Variants in TRPM6 observed in about 807,000 individuals in gnomAD.
TRPM6 encodes the protein channel kinase 2.
In TRPM6, 111 loss-of-function variants were observed where a neutral mutation model predicts 247.6. That is an observed-to-expected ratio of 0.45 (90% CI 0.38 to 0.52). The LOEUF is 0.52. TRPM6 is among the 20% of genes least tolerant of loss of function. The pLI, the probability that TRPM6 is intolerant of heterozygous loss-of-function variation, is 0.00. For synonymous variants in TRPM6, 892 were observed against 853.8 expected, an observed-to-expected ratio of 1.04 and a Z score of -0.78; for missense variants, 2,126 against 2,421.5, an observed-to-expected ratio of 0.88 and a Z score of 2.56.
At chr9:74,753,420 A>G (rs1268154561) in intron 28 of TRPM6, among the ~76,000 whole-genome samples, 1 of 152,088 alleles carries the variant, frequency 6.6e-6, no homozygotes, top group South Asian at 2.1e-4. Flanking sequence ...GGCCAAGTGG[A>G]GTAGCCGGCT....
intron 38 of TRPM6, 144 bp from the exon 39 acceptor site, chr9:74,724,890 A>G: frequency 1.9e-6 from 2 of 1,076,522 alleles, no homozygotes; most frequent in Non-Finnish European, 2.7e-6. Flanking sequence ...CAAACCCTCA[A>G]CCATGTCTAG....
At chr9:74,755,927 A>G (rs1421657740) in intron 27 of TRPM6, among the ~76,000 whole-genome samples, 1 of 152,230 alleles carries the variant, frequency 6.6e-6, no homozygotes, top group Non-Finnish European at 1.5e-5. Flanking sequence ...CCTGTCATTT[A>G]GAAGCCATGT....
intron 4 of TRPM6, among the ~76,000 whole-genome samples, chr9:74,841,264 G>A (rs148527981): frequency 6.6e-6 from 1 of 152,292 alleles, no homozygotes; most frequent in Non-Finnish European, 1.5e-5. Context: ...CAGCTGGCTT[G>A]CTTTTTCCAG....
intron 3 of TRPM6, among the ~76,000 whole-genome samples, chr9:74,852,759 C>T (rs1830377406): frequency 6.6e-6 from 1 of 152,224 alleles, no homozygotes; most frequent in South Asian, 2.1e-4. Context: ...TCCCGAGGTG[C>T]CGGGATTGCA....
chr9:74,731,777 G>T (rs1283963268), intron 37 of TRPM6, among the ~76,000 whole-genome samples: 2 of 151,400 alleles, frequency 1.3e-5, no homozygotes, highest in Non-Finnish European at 2.9e-5. Flanking sequence ...CAATTAAGAA[G>T]TAAAAATGTA....
At chr9:74,752,432 C>A (rs1826280755) in intron 28 of TRPM6, 64 bp from the exon 29 acceptor site, 2 of 935,280 alleles carry the variant, frequency 2.1e-6, no homozygotes, top group Non-Finnish European at 3.3e-6. Flanking sequence ...AATCACAGTT[C>A]CCAAATAGAA....
intron 24 of TRPM6, among the ~76,000 whole-genome samples, chr9:74,773,167 C>T (rs1217214295): frequency 1.3e-5 from 2 of 152,138 alleles, no homozygotes; most frequent in Non-Finnish European, 2.9e-5. Context: ...CCCTACCAAT[C>T]TATTGAACAC....
chr9:74,747,480 T>C (rs939530745), intron 31 of TRPM6, among the ~76,000 whole-genome samples: 21 of 152,192 alleles, frequency 1.4e-4, no homozygotes, highest in African/African-American at 4.8e-4. Flanking sequence ...TCACATGACC[T>C]AATCCTATTT....
intron 1 of TRPM6, among the ~76,000 whole-genome samples, chr9:74,868,384 A>C (rs1288623698): frequency 6.6e-6 from 1 of 151,764 alleles, no homozygotes; most frequent in Non-Finnish European, 1.5e-5. Context: ...AATCCCAGCT[A>C]CTCGGGAGGC....
chr9:74,727,381 CAAAAAAAAAAAAA>C (rs763828073), intron 38 of TRPM6, among the ~76,000 whole-genome samples: 1 of 52,242 alleles, frequency 1.9e-5, no homozygotes, highest in African/African-American at 7.1e-5. Context: ...GACTCCGTCT[CAAAAAAAAAAAAA>C]AAAAAAAAAA....
intron 1 of TRPM6, among the ~76,000 whole-genome samples, chr9:74,864,835 G>A (rs2118412131): frequency 6.6e-6 from 1 of 152,264 alleles, no homozygotes; most frequent in African/African-American, 2.4e-5. Context: ...ACTTTGGGAG[G>A]CTGAGGTGGG....
chr9:74,879,867 G>A (rs1587610184), intron 1 of TRPM6, among the ~76,000 whole-genome samples: 1 of 152,164 alleles, frequency 6.6e-6, no homozygotes, highest in East Asian at 1.9e-4. Flanking sequence ...CAAAATTAAT[G>A]AAATCCAAAG....
Position 74,868,158 on chromosome 9 carries a change from A to C in TRPM6, c.34-9410T>G, listed in dbSNP as rs116052210. Among the ~76,000 whole-genome samples, 622 of 151,314 alleles carry C rather than the reference A, an allele frequency of 4.1e-3. 7 individuals are homozygous for C. Among genetic ancestry groups the C allele is most frequent in the African/African-American group, 0.015 (597 of 41,160 alleles). On this transcript the variant is annotated intron_variant, in intron 1 of 38. Coordinates refer to ENST00000360774, the MANE Select transcript of TRPM6 (RefSeq NM_017662.5). The stretch of plus-strand genomic sequence containing the variant: ...GAGCGAGACTCCGCAAAAAAAAAAA[A>C]AACTTTGACACCTCATGTTATTCTA...
At chr9:74,881,552 A>G (rs1028350329) in intron 1 of TRPM6, among the ~76,000 whole-genome samples, 41 of 152,126 alleles carry the variant, frequency 2.7e-4, no homozygotes, top group African/African-American at 8.7e-4. Context: ...AGAAAATTAA[A>G]ATAATATTTA....
intron 19 of TRPM6, among the ~76,000 whole-genome samples, chr9:74,789,317 C>G (rs1040448058): frequency 4.6e-5 from 7 of 152,056 alleles, no homozygotes; most frequent in African/African-American, 1.7e-4. Context: ...ACTCAGCACT[C>G]TGCTTGACAC....
intron 8 of TRPM6, 132 bp from the exon 9 acceptor site, chr9:74,820,559 T>A: frequency 9.0e-7 from 1 of 1,113,400 alleles, no homozygotes; most frequent in Non-Finnish European, 1.3e-6. Flanking sequence ...GAAGAGCAAA[T>A]GAGGGGGAGC....
chr9:74,862,508 T>C (rs1157872064), intron 1 of TRPM6, among the ~76,000 whole-genome samples: 1 of 152,122 alleles, frequency 6.6e-6, no homozygotes, highest in Non-Finnish European at 1.5e-5. Context: ...CATAATCAGA[T>C]TTTATATCTA....
intron 37 of TRPM6, among the ~76,000 whole-genome samples, chr9:74,729,220 G>A (rs1406804143): frequency 6.6e-6 from 1 of 152,116 alleles, no homozygotes; most frequent in African/African-American, 2.4e-5. Flanking sequence ...TTTAAAATCT[G>A]AACTCAATTA....
At chr9:74,772,665 T>C (rs1827088062) in intron 24 of TRPM6, among the ~76,000 whole-genome samples, 1 of 152,080 alleles carries the variant, frequency 6.6e-6, no homozygotes, top group Admixed American at 6.6e-5. Flanking sequence ...TTTGAATTAT[T>C]CTCTTCTAGC....
Sources: allele counts gnomAD v4.1 joint callset (sites outside exome capture counted in the v4.1 genomes callset), GRCh38; gene constraint gnomAD v4.1.1; transcripts MANE v1.5; gene names NCBI Gene and HGNC (gene_info 2026-07-23, HGNC 2026-07-21).